Variants in STX2 observed in about 807,000 individuals in gnomAD.
The protein encoded by STX2 is syntaxin 2, also known as syntaxin-2.
In STX2, 27 loss-of-function variants were observed where a neutral mutation model predicts 40.6. The observed-to-expected ratio is 0.66, with a 90% CI of 0.49 to 0.92. STX2 has a LOEUF of 0.92. STX2 is among the 40% of genes least tolerant of loss of function. STX2 has a pLI of 0.00. For missense variants in STX2, 328 were observed against 366.1 expected, an observed-to-expected ratio of 0.90 and a Z score of 0.85; for synonymous variants, 123 against 119.1, an observed-to-expected ratio of 1.03 and a Z score of -0.22.
intron 10 of STX2, 148 bp from the exon 11 acceptor site, chr12:130,792,125 A>T: frequency 1.8e-6 from 1 of 544,780 alleles, no homozygotes; most frequent in Non-Finnish European, 3.2e-6. Flanking sequence ...AAAGAATGTG[A>T]TCTTGGCTCA....
chr12:130,834,516 G>C (rs1952690946), intron 1 of STX2, among the ~76,000 whole-genome samples: 2 of 152,258 alleles, frequency 1.3e-5, no homozygotes, highest in South Asian at 2.1e-4. Context: ...CGATAGATCT[G>C]GGCTCCTAGG....
rs73459524 is a variant in STX2, at chr12:130,832,864, A to G, written c.31-5597T>C. Among the ~76,000 whole-genome samples, 669 of 152,026 alleles carry G rather than the reference A, an allele frequency of 4.4e-3. 9 individuals are homozygous for G. The highest frequency in any genetic ancestry group is 0.016 in the African/African-American group (646 of 41,434). Reference sequence around the variant, plus strand: ...GGCCTCTGGACTTGCTGTGCCTTCTACCCAGGGCACCCTCCCCCAGCCCTG... The same window carrying G: ...GGCCTCTGGACTTGCTGTGCCTTCTGCCCAGGGCACCCTCCCCCAGCCCTG... On this transcript the variant is annotated intron_variant, in intron 1 of 10. Transcript: ENST00000392373.
At chr12:130,818,547 G>A (rs1951978840) in intron 3 of STX2, among the ~76,000 whole-genome samples, 1 of 152,160 alleles carries the variant, frequency 6.6e-6, no homozygotes, top group Non-Finnish European at 1.5e-5. Context: ...GAGCCACAGA[G>A]GCGCGGCTTC....
intron 2 of STX2, among the ~76,000 whole-genome samples, chr12:130,822,370 C>T (rs1015877358): frequency 1.3e-5 from 2 of 151,898 alleles, no homozygotes; most frequent in Non-Finnish European, 2.9e-5. Context: ...GAACCAAGAT[C>T]ACACCACTGC....
rs1593101907 is a variant in STX2, at chr12:130,791,942, C to G, written c.*81G>C. On this transcript the variant is annotated 3_prime_UTR_variant, in exon 11 of 11. Coordinates refer to ENST00000392373, the MANE Select transcript of STX2 (RefSeq NM_194356.4). ...CTAGGATAATTCCAAGGATCACAAG[C>G]AAAACAATTACACAAATAATAATGA... The G allele has an allele frequency of 5.0e-6, 8 of 1,609,584 alleles. No individual in the cohort carries two copies. Among genetic ancestry groups the G allele is most frequent in the East Asian group, 2.2e-5 (1 of 44,626 alleles).
intron 1 of STX2, among the ~76,000 whole-genome samples, chr12:130,831,187 T>C (rs1371188949): frequency 3.3e-5 from 5 of 152,254 alleles, no homozygotes; most frequent in Non-Finnish European, 7.3e-5. Context: ...CCTGGCTTTC[T>C]TCTGCCTGTT....
chr12:130,830,218 G>C (rs146964586), intron 1 of STX2, among the ~76,000 whole-genome samples: 2,862 of 152,222 alleles, frequency 0.019, 55 homozygotes, highest in Non-Finnish European at 0.026. Context: ...TACTGTGGAG[G>C]CTGCACCTGC....
chr12:130,804,947 G>A (rs1452628701), intron 6 of STX2, among the ~76,000 whole-genome samples: 3 of 152,140 alleles, frequency 2.0e-5, no homozygotes. Flanking sequence ...ATCTGATCAC[G>A]CCACCGGATT....
At chr12:130,819,798 G>A (rs750168915) in intron 3 of STX2, among the ~76,000 whole-genome samples, 4 of 152,112 alleles carry the variant, frequency 2.6e-5, no homozygotes, top group African/African-American at 4.8e-5. Context: ...ATTATTCTAC[G>A]GGTACTGCAA....
chr12:130,804,860 T>C (rs1038966575), intron 6 of STX2, among the ~76,000 whole-genome samples: 5 of 151,544 alleles, frequency 3.3e-5, no homozygotes, highest in Middle Eastern at 3.2e-3. Flanking sequence ...TAGAGTATGA[T>C]TGCAAGAGAA....
intron 5 of STX2, 42 bp downstream of exon 5, chr12:130,808,589 T>G (rs750133006): frequency 1.3e-6 from 2 of 1,540,426 alleles, no homozygotes; most frequent in South Asian, 2.3e-5. Flanking sequence ...AAAACACTTA[T>G]TCTGCGACAT....
rs554334623 is a variant in STX2 at position 130,833,261 on chromosome 12, G to GAC, written c.30+5807_30+5808dup. Among the ~76,000 whole-genome samples the GAC allele has an allele frequency of 1.1e-3, 171 of 150,712 alleles. 1 individual carries two copies. The highest frequency in any genetic ancestry group is 3.8e-3 in the African/African-American group (156 of 41,374). On this transcript the variant is annotated intron_variant, in intron 1 of 10. Transcript: ENST00000392373. ...ACAAACGTCAACAAACGGAAACAGA[G>GAC]ACACACACACAGACTAAGACCCCGC... is the stretch of plus-strand genomic sequence containing the variant.
intron 6 of STX2, 58 bp downstream of exon 6, chr12:130,806,924 G>A: frequency 1.0e-5 from 15 of 1,468,220 alleles, no homozygotes; most frequent in Non-Finnish European, 1.4e-5. Flanking sequence ...GTCATTTGAA[G>A]TGAGACCTTA....
chr12:130,832,525 C>T (rs1952603697), intron 1 of STX2, among the ~76,000 whole-genome samples: 1 of 152,086 alleles, frequency 6.6e-6, no homozygotes, highest in Non-Finnish European at 1.5e-5. Flanking sequence ...ATTGGATGCC[C>T]CCAGCATGGC....
At chr12:130,835,105 A>G (rs1402040040) in intron 1 of STX2, among the ~76,000 whole-genome samples, 1 of 152,250 alleles carries the variant, frequency 6.6e-6, no homozygotes, top group Non-Finnish European at 1.5e-5. Context: ...CCTGGGCAAC[A>G]CAGCGCAACC....
At chr12:130,826,702 T>C (rs1298831439) in intron 2 of STX2, among the ~76,000 whole-genome samples, 2 of 152,108 alleles carry the variant, frequency 1.3e-5, no homozygotes, top group African/African-American at 2.4e-5. Flanking sequence ...TTGATATAAA[T>C]CTTTAAAGAA....
intron 10 of STX2, among the ~76,000 whole-genome samples, chr12:130,793,226 C>A (rs10219721): frequency 0.063 from 9,623 of 152,014 alleles, 399 homozygotes; most frequent in Non-Finnish European, 0.092. Flanking sequence ...TGCAGGAGGG[C>A]CCCTCCCTCA....
chr12:130,828,356 T>C lies in STX2; in HGVS notation c.31-1089A>G, dbSNP rs569052565. On this transcript the variant is annotated intron_variant, in intron 1 of 10. Coordinates refer to ENST00000392373, the MANE Select transcript of STX2 (RefSeq NM_194356.4). The stretch of plus-strand genomic sequence containing the variant: ...AATGCTTATGCCCCAACCTCCTGAA[T>C]AGCTAGGATTACATGCACCTGCCAC... 9.8e-4 allele frequency among the ~76,000 whole-genome samples: 147 copies of C among 150,364 alleles called. 1 individual carries two copies. Among genetic ancestry groups the C allele is most frequent in the African/African-American group, 3.3e-3 (137 of 41,052 alleles).
At chr12:130,823,171 G>A (rs1053991883) in intron 2 of STX2, among the ~76,000 whole-genome samples, 3 of 152,098 alleles carry the variant, frequency 2.0e-5, no homozygotes, top group African/African-American at 7.2e-5. Flanking sequence ...AATTAGCCGG[G>A]CACAATGGTG....
Sources: allele counts gnomAD v4.1 joint callset (sites outside exome capture counted in the v4.1 genomes callset), GRCh38; gene constraint gnomAD v4.1.1; transcripts MANE v1.5; gene names NCBI Gene and HGNC (gene_info 2026-07-23, HGNC 2026-07-21).